KCNMA1: variants seen among roughly 807,000 people sequenced by gnomAD.
KCNMA1 encodes Calcium-activated potassium channel subunit alpha-1.
In KCNMA1, 29 loss-of-function variants were observed where a neutral mutation model predicts 140.0. That is an observed-to-expected ratio of 0.21 (90% confidence interval 0.15 to 0.28). The LOEUF (loss-of-function observed/expected upper bound fraction) is 0.28, where lower values mean the gene tolerates loss of function less well. Ranked by LOEUF, KCNMA1 falls within the 10% of genes least tolerant of loss-of-function variation. The pLI, the probability that KCNMA1 is intolerant of heterozygous loss-of-function variation, is 1.00. For missense variants in KCNMA1, 880 were observed against 1,602.2 expected (o/e 0.55, Z 7.70); for synonymous variants, 612 against 611.9 (o/e 1.00, Z 0.00).
Position 76,891,595 on chromosome 10 carries a change from G to T in KCNMA1, c.3272C>A (p.Thr1091Lys). The T allele has an allele frequency of 6.2e-7, 1 of 1,614,006 alleles. No homozygotes were observed. The highest frequency in any genetic ancestry group is 8.5e-7 in the Non-Finnish European group (1 of 1,180,020). ...GCGGCAGCGGTCCCTATTGGCCAGT[G>T]TCTGCGGGGTGCTGTAGCCACCTCT... ...ALRGGYSTPQ[T>K]LANRDRCRVA... Residue 1091 changes from threonine to lysine, a missense_variant, in exon 26 of 28, where the codon ACA becomes AAA. Around this residue, in one of 13 missense-constraint regions of KCNMA1, gnomAD observed 31 missense variants for 38.8 expected, o/e 0.80. Transcript: ENST00000286628.
intron 1 of KCNMA1, among the ~76,000 whole-genome samples, chr10:77,581,549 C>A (rs927370836): frequency 2.0e-5 from 3 of 152,222 alleles, no homozygotes; most frequent in Non-Finnish European, 4.4e-5. Context: ...TAGTGATCCA[C>A]CCACCTCAGC....
intron 1 of KCNMA1, among the ~76,000 whole-genome samples, chr10:77,438,010 G>A (rs1371537026): frequency 6.6e-6 from 1 of 152,160 alleles, no homozygotes; most frequent in African/African-American, 2.4e-5. Context: ...GCCCCATGCT[G>A]CCAGTGTAGA....
intron 3 of KCNMA1, among the ~76,000 whole-genome samples, chr10:77,228,025 C>T (rs11002093): frequency 0.14 from 19,767 of 145,618 alleles, 2,594 homozygotes; most frequent in African/African-American, 0.34. Context: ...AGTGCAGTGG[C>T]GCAATCTTGG....
chr10:77,246,301 G>A (rs959465078), intron 3 of KCNMA1, among the ~76,000 whole-genome samples: 1 of 152,222 alleles, frequency 6.6e-6, no homozygotes. Context: ...TCATCTGTAA[G>A]TGGGAATAGT....
intron 1 of KCNMA1, among the ~76,000 whole-genome samples, chr10:77,415,809 T>C (rs554723775): frequency 6.6e-6 from 1 of 152,298 alleles, no homozygotes; most frequent in Admixed American, 6.5e-5. Context: ...TGGTACGGAA[T>C]GAAAAGCCTC....
At chr10:77,324,955 CTCTCTCTCTCTCTCTCTGTGTGTG>C (rs1356295501) in intron 2 of KCNMA1, among the ~76,000 whole-genome samples, 3 of 104,118 alleles carry the variant, frequency 2.9e-5, no homozygotes, top group African/African-American at 8.0e-5. Flanking sequence ...CTCTCTCTCT[CTCTCTCTCTCTCTCTCTGTGTGTG>C]TGTGTGTGTG....
intron 2 of KCNMA1, among the ~76,000 whole-genome samples, chr10:77,299,331 C>T (rs1372343500): frequency 1.3e-5 from 2 of 152,162 alleles, no homozygotes; most frequent in East Asian, 1.9e-4. Flanking sequence ...TAAGGAGTAA[C>T]ATTTTAAAGC....
rs112774103 is a variant in KCNMA1 at position 77,340,472 on chromosome 10, T to G, written c.540+63390A>C. Reference sequence around the variant, plus strand: ...GACTTGGAACCAACCCAAACGTCCATCAATGATAGACTGGATTAAGAAAAT... The same window carrying G: ...GACTTGGAACCAACCCAAACGTCCAGCAATGATAGACTGGATTAAGAAAAT... On this transcript the variant is annotated intron_variant, in intron 2 of 27. Coordinates refer to ENST00000286628, the MANE Select transcript of KCNMA1 (RefSeq NM_001161352.2). Among the ~76,000 whole-genome samples the G allele has an allele frequency of 5.7e-3, 861 of 152,216 alleles. 12 individuals are homozygous for G. The highest frequency in any genetic ancestry group is 0.019 in the African/African-American group (807 of 41,506).
chr10:77,022,582 C>A (rs1016552484), intron 16 of KCNMA1, among the ~76,000 whole-genome samples: 2 of 152,136 alleles, frequency 1.3e-5, no homozygotes, highest in Admixed American at 1.3e-4. Context: ...CTGTAAGGAA[C>A]CCACAGTTGA....
At chr10:76,953,990 CT>C in intron 20 of KCNMA1, 66 bp from the exon 21 acceptor site, 1 of 1,537,138 alleles carries the variant, frequency 6.5e-7, no homozygotes, top group Non-Finnish European at 8.9e-7. Flanking sequence ...AAAGTGCCCC[CT>C]GAATTACATC....
intron 1 of KCNMA1, among the ~76,000 whole-genome samples, chr10:77,493,400 T>C (rs118025315): frequency 0.013 from 1,946 of 152,362 alleles, 14 homozygotes; most frequent in Non-Finnish European, 0.019. Flanking sequence ...GTCAGGAATG[T>C]AGTACTGGCC....
chr10:77,465,305 C>A (rs183234846), intron 1 of KCNMA1, among the ~76,000 whole-genome samples: 3 of 152,290 alleles, frequency 2.0e-5, no homozygotes, highest in Admixed American at 1.3e-4. Flanking sequence ...CCCAGGGGCA[C>A]CAGTCAGTCT....
Position 77,158,093 on chromosome 10 carries a change from A to T in KCNMA1, c.808+25328T>A, listed in dbSNP as rs1190288004. ...ATCTCTAAGAGGCTCAGGGAAAATA[A>T]TCAGGAATAAGTGGAAAGACAGAAA... On this transcript the variant is annotated intron_variant, in intron 5 of 27. Transcript: ENST00000286628. Among the ~76,000 whole-genome samples, 4 of 152,344 alleles carry T rather than the reference A, an allele frequency of 2.6e-5. No homozygotes were observed. The East Asian group carries it at 7.7e-4, about 29-fold the overall frequency.
At chr10:77,124,681 G>A (rs1402858571) in intron 5 of KCNMA1, among the ~76,000 whole-genome samples, 1 of 152,138 alleles carries the variant, frequency 6.6e-6, no homozygotes, top group Non-Finnish European at 1.5e-5. Context: ...TTATGGCACT[G>A]AGTTTCACTA....
chr10:77,034,994 CCCCTCCCCTCCCCTCTG>C (rs1188222915), intron 15 of KCNMA1, among the ~76,000 whole-genome samples: 1 of 152,036 alleles, frequency 6.6e-6, no homozygotes, highest in Admixed American at 6.5e-5. Flanking sequence ...CCTTGTCCAG[CCCCTCCCCTCCCCTCTG>C]CCCTCCCTGG....
At chr10:77,412,245 G>A (rs536906027) in intron 1 of KCNMA1, among the ~76,000 whole-genome samples, 1 of 152,290 alleles carries the variant, frequency 6.6e-6, no homozygotes, top group South Asian at 2.1e-4. Flanking sequence ...ATGCCTCACA[G>A]CCCCTTTGTC....
At chr10:77,467,752 C>T (rs1429332294) in intron 1 of KCNMA1, among the ~76,000 whole-genome samples, 4 of 151,372 alleles carry the variant, frequency 2.6e-5, no homozygotes, top group African/African-American at 9.7e-5. Flanking sequence ...GGCCACTTGG[C>T]CACTCGCCGA....
chr10:77,541,734 C>T (rs78514908), intron 1 of KCNMA1, among the ~76,000 whole-genome samples: 4,540 of 152,210 alleles, frequency 0.03, 81 homozygotes, highest in Middle Eastern at 0.048. Context: ...CTTGGAAGCA[C>T]GCTAGATAGA....
intron 6 of KCNMA1, among the ~76,000 whole-genome samples, chr10:77,112,880 AAATC>A (rs2097359936): frequency 6.6e-6 from 1 of 152,074 alleles, no homozygotes; most frequent in Admixed American, 6.5e-5. Context: ...ATTTACCAAT[AAATC>A]AGAGACATCA....
Sources: allele counts gnomAD v4.1 joint callset (sites outside exome capture counted in the v4.1 genomes callset), GRCh38; gene constraint gnomAD v4.1.1; regional missense constraint gnomAD v4.1.1; transcripts MANE v1.5; gene names NCBI Gene and HGNC (gene_info 2026-07-23, HGNC 2026-07-21).